Variants in CCSER2 observed in about 807,000 individuals in gnomAD.
CCSER2 encodes serine-rich coiled-coil domain-containing protein 2.
Under a neutral mutation model 92.3 loss-of-function variants are expected in CCSER2, and 46 were observed. That is an observed-to-expected ratio of 0.50 (90% confidence interval 0.39 to 0.64). CCSER2 has a LOEUF of 0.64. Among genes scored for constraint, CCSER2 ranks in the 30% least tolerant of loss-of-function variants. The pLI is 0.00. For missense variants in CCSER2, 1,244 were observed against 1,238.9 expected, an observed-to-expected ratio of 1.00 and a Z score of -0.06; for synonymous variants, 433 against 431.4, an observed-to-expected ratio of 1.00 and a Z score of -0.04.
intron 5 of CCSER2, among the ~76,000 whole-genome samples, chr10:84,436,593 C>T (rs1844166856): frequency 6.8e-6 from 1 of 147,770 alleles, no homozygotes; most frequent in African/African-American, 2.5e-5. Context: ...CGAGATCGCG[C>T]CACTGCACTC....
intron 6 of CCSER2, among the ~76,000 whole-genome samples, chr10:84,449,739 C>G (rs1845155950): frequency 6.6e-6 from 1 of 151,854 alleles, no homozygotes; most frequent in African/African-American, 2.4e-5. Context: ...CTGTAATGAT[C>G]AGGAGGCTGA....
chr10:84,452,488 A>G (rs2133592090), intron 6 of CCSER2, among the ~76,000 whole-genome samples: 1 of 152,326 alleles, frequency 6.6e-6, no homozygotes, highest in Middle Eastern at 3.4e-3. Context: ...AATGCTGATA[A>G]TGTATTAGCA....
intron 1 of CCSER2, among the ~76,000 whole-genome samples, chr10:84,337,185 G>A (rs1014204897): frequency 3.3e-5 from 5 of 152,182 alleles, no homozygotes; most frequent in Admixed American, 2.0e-4. Context: ...GTAATGCCTC[G>A]AGAATGGATT....
intron 7 of CCSER2, among the ~76,000 whole-genome samples, chr10:84,464,619 A>G (rs1256067665): frequency 6.6e-6 from 1 of 152,202 alleles, no homozygotes; most frequent in African/African-American, 2.4e-5. Context: ...AGTGTTTGCT[A>G]GTCATCTACA....
intron 5 of CCSER2, among the ~76,000 whole-genome samples, chr10:84,431,651 G>T (rs1843774609): frequency 6.6e-6 from 1 of 151,928 alleles, no homozygotes. Context: ...CTGAGGTGGG[G>T]GGATCACTTG....
intron 5 of CCSER2, among the ~76,000 whole-genome samples, chr10:84,436,052 C>T (rs565019835): frequency 1.3e-5 from 2 of 151,984 alleles, no homozygotes; most frequent in African/African-American, 2.4e-5. Context: ...ACTCTGGGCC[C>T]GGCGCCGTGG....
intron 6 of CCSER2, among the ~76,000 whole-genome samples, chr10:84,461,680 G>T (rs1366367885): frequency 2.0e-5 from 3 of 147,284 alleles, no homozygotes; most frequent in Non-Finnish European, 3.0e-5. Context: ...TTTTCCCCCT[G>T]AGATTTTCTC....
chr10:84,458,772 T>C lies in CCSER2; in HGVS notation c.2065-5161T>C, dbSNP rs531089464. On this transcript the variant is annotated intron_variant, in intron 6 of 9. Coordinates refer to ENST00000372088, the MANE Select transcript of CCSER2 (RefSeq NM_001284240.2). ...ACATACACATATATGTATATACATA[T>C]ATGTGAAAGAAATCAACCTATATAT... Among the ~76,000 whole-genome samples, 370 of 152,278 alleles carry C rather than the reference T, an allele frequency of 2.4e-3. 2 individuals are homozygous for C. Among genetic ancestry groups the C allele is most frequent in the African/African-American group, 8.2e-3 (341 of 41,556 alleles).
chr10:84,444,259 G>T lies in CCSER2; in HGVS notation c.2064+5552G>T, dbSNP rs144044636. 2.6e-3 allele frequency among the ~76,000 whole-genome samples: 392 copies of T among 152,252 alleles called. 2 individuals carry two copies. The highest frequency in any genetic ancestry group is 9.0e-3 in the African/African-American group (372 of 41,536). On this transcript the variant is annotated intron_variant, in intron 6 of 9. Coordinates refer to ENST00000372088, the MANE Select transcript of CCSER2 (RefSeq NM_001284240.2). ...TAGCTGGGGCATTGTTCTGTTGGTAGTAGTAAGCCAAACAAGCGACTTGGC... is the reference window on the plus strand; with the variant it reads ...TAGCTGGGGCATTGTTCTGTTGGTATTAGTAAGCCAAACAAGCGACTTGGC...
At chr10:84,424,713 C>T (rs1322202649) in intron 4 of CCSER2, among the ~76,000 whole-genome samples, 1 of 151,640 alleles carries the variant, frequency 6.6e-6, no homozygotes, top group East Asian at 1.9e-4. Flanking sequence ...CTTTTTATTA[C>T]AAGGAATTCT....
At chr10:84,348,234 C>T (rs1411155121) in intron 1 of CCSER2, among the ~76,000 whole-genome samples, 1 of 152,232 alleles carries the variant, frequency 6.6e-6, no homozygotes, top group Non-Finnish European at 1.5e-5. Flanking sequence ...GCGGATCACT[C>T]GCGGTTAGGA....
At chr10:84,358,663 T>G (rs1443504049) in intron 1 of CCSER2, among the ~76,000 whole-genome samples, 1 of 147,558 alleles carries the variant, frequency 6.8e-6, no homozygotes, top group African/African-American at 2.5e-5. Flanking sequence ...TATATATACA[T>G]ATACATATAT....
At chr10:84,445,701 G>T (rs1338463554) in intron 6 of CCSER2, among the ~76,000 whole-genome samples, 1 of 152,104 alleles carries the variant, frequency 6.6e-6, no homozygotes, top group Non-Finnish European at 1.5e-5. Flanking sequence ...ACTTTGAAAT[G>T]AAATGAAATA....
intron 3 of CCSER2, among the ~76,000 whole-genome samples, chr10:84,398,035 C>CT (rs1258387312): frequency 6.6e-6 from 1 of 152,198 alleles, no homozygotes; most frequent in Non-Finnish European, 1.5e-5. Context: ...AAACAACACA[C>CT]TGTTTGTTAT....
chr10:84,426,140 C>A (rs1843424121), intron 5 of CCSER2, among the ~76,000 whole-genome samples: 1 of 151,980 alleles, frequency 6.6e-6, no homozygotes, highest in African/African-American at 2.4e-5. Flanking sequence ...TTTTGGACTT[C>A]AAGTTATGGT....
intron 9 of CCSER2, among the ~76,000 whole-genome samples, chr10:84,489,586 T>C (rs1402158648): frequency 6.6e-6 from 1 of 152,200 alleles, no homozygotes; most frequent in Admixed American, 6.5e-5. Context: ...GTTTTCCATT[T>C]GCTTGGTAGA....
At chr10:84,385,043 A>G (rs1841121908) in intron 3 of CCSER2, among the ~76,000 whole-genome samples, 1 of 151,798 alleles carries the variant, frequency 6.6e-6, no homozygotes, top group African/African-American at 2.4e-5. Context: ...ACCCAGGAAT[A>G]CATTTAACCA....
At chr10:84,382,166 A>T (rs113664927) in intron 3 of CCSER2, among the ~76,000 whole-genome samples, 82 of 152,168 alleles carry the variant, frequency 5.4e-4, no homozygotes, top group African/African-American at 1.9e-3. Context: ...CCTTTTAGTG[A>T]ATTTTCTATT....
At chr10:84,481,754 A>C (rs940730193) in intron 9 of CCSER2, among the ~76,000 whole-genome samples, 1 of 152,082 alleles carries the variant, frequency 6.6e-6, no homozygotes, top group Admixed American at 6.5e-5. Context: ...TAAGGGGTCT[A>C]TCTTCTGCTT....
Sources: gnomAD v4.1 joint callset for allele counts (sites outside exome capture counted in the v4.1 genomes callset) on GRCh38, gnomAD v4.1.1 for gene constraint, MANE v1.5 for transcripts, NCBI Gene and HGNC (gene_info 2026-07-23, HGNC 2026-07-21) for gene names.